CUX1: variants seen among roughly 807,000 people sequenced by gnomAD.
CUX1 encodes cut like homeobox 1, also known as protein CASP.
A neutral mutation model predicts 158.8 loss-of-function variants in CUX1; 31 were observed. The ratio of observed to expected loss-of-function variants is 0.20; its 90% confidence interval spans 0.15 to 0.26. CUX1 has a LOEUF of 0.26. CUX1 is among the 10% of genes least tolerant of loss of function. The pLI, the probability that CUX1 is intolerant of heterozygous loss-of-function variation, is 1.00. For missense variants in CUX1, 1,589 were observed against 2,014.6 expected, an observed-to-expected ratio of 0.79 and a Z score of 4.04; for synonymous variants, 879 against 862.1, an observed-to-expected ratio of 1.02 and a Z score of -0.34.
chr7:102,155,663 T>TAGC (rs35929146), intron 8 of CUX1, among the ~76,000 whole-genome samples: 3,166 of 152,328 alleles, frequency 0.021, 115 homozygotes, highest in African/African-American at 0.072. Flanking sequence ...GGCGTCAAGG[T>TAGC]AGCAGCTTTC....
chr7:102,168,620 G>T (rs542390172), intron 9 of CUX1, among the ~76,000 whole-genome samples: 311 of 146,006 alleles, frequency 2.1e-3, no homozygotes, highest in Non-Finnish European at 2.9e-3. Flanking sequence ...CTCCAGCCTA[G>T]GCGACAGAGC....
rs142500850 is a variant in CUX1, at chr7:102,251,437, T to A, written c.*2395T>A. On this transcript the variant is annotated 3_prime_UTR_variant, in exon 24 of 24. Transcript: ENST00000292535. The stretch of plus-strand genomic sequence containing the variant: ...CACTTAGTTCACGTTTTCACAAATT[T>A]CAAGAGTCACTACACTAAAGACAAT... The A allele has an allele frequency of 1.5e-4, 151 of 985,412 alleles. 1 individual carries two copies. The East Asian group carries it at 0.015, about 95-fold the overall frequency. The allele number at this position is 985,412 out of a possible 1,614,324, so 61.0% of individuals were successfully genotyped here. A position where few individuals can be genotyped will look rare whatever the true frequency, so the allele number is the denominator to read the frequency against.
chr7:101,833,429 C>A (rs1365073372), intron 1 of CUX1, among the ~76,000 whole-genome samples: 2 of 151,242 alleles, frequency 1.3e-5, no homozygotes, highest in Non-Finnish European at 3.0e-5. Flanking sequence ...ATGGTGCACA[C>A]CTGTGATCCT....
rs782222046 is a variant in CUX1, at chr7:102,189,866, G to A, written c.1071G>A (p.Glu357=). 2 of 1,614,278 alleles carry A rather than the reference G, an allele frequency of 1.2e-6. No individual in the cohort carries two copies. The highest frequency in any genetic ancestry group is 3.3e-5 in the Admixed American group (2 of 60,034). The change falls in exon 12 of 24, where the codon GAG becomes GAA. Residue 357 remains glutamate, a synonymous_variant. Coordinates refer to ENST00000292535, the MANE Select transcript of CUX1 (RefSeq NM_181552.4). The stretch of plus-strand genomic sequence containing the variant: ...CTGACTATGAAGAGGTGAAGAAAGA[G>A]CTGAAGTAAGTACGGAGAGCCCTGT... ...GQADYEEVKK[E]LNILKSMEFA...
At chr7:102,181,102 C>T (rs1324581465) in intron 11 of CUX1, among the ~76,000 whole-genome samples, 8 of 151,854 alleles carry the variant, frequency 5.3e-5, no homozygotes, top group African/African-American at 1.4e-4. Context: ...CCACCACTTC[C>T]GGATAATTTT....
intron 1 of CUX1, among the ~76,000 whole-genome samples, chr7:101,850,141 C>G (rs899913365): frequency 6.6e-6 from 1 of 151,978 alleles, no homozygotes; most frequent in Non-Finnish European, 1.5e-5. Flanking sequence ...CCAGGCTGGT[C>G]TCAAACTCCT....
At chr7:102,145,996 A>C (rs1334063559) in intron 8 of CUX1, among the ~76,000 whole-genome samples, 1 of 152,154 alleles carries the variant, frequency 6.6e-6, no homozygotes, top group Non-Finnish European at 1.5e-5. Context: ...AGTGGAGAAG[A>C]ATTCCAACCC....
intron 1 of CUX1, among the ~76,000 whole-genome samples, chr7:101,863,959 T>C (rs1797709454): frequency 6.6e-6 from 1 of 152,210 alleles, no homozygotes; most frequent in Non-Finnish European, 1.5e-5. Context: ...CAGTGGATGC[T>C]TGCGTTGCTT....
chr7:102,248,526 G>T lies in CUX1; in HGVS notation c.4002G>T (p.Glu1334Asp). 1 of 1,529,574 alleles carries T rather than the reference G, an allele frequency of 6.5e-7. No individual in the cohort carries two copies. 94.8% of individuals were successfully genotyped at this position (1,529,574 alleles called of 1,614,324 possible). A position where few individuals can be genotyped will look rare whatever the true frequency, so the allele number is the denominator to read the frequency against. ...ARSGRAAPSS[E>D]GDSCDGVEAT... ...GCGGCCGGGCGGCGCCCAGCTCGGA[G>T]GGCGACAGCTGCGACGGCGTGGAGG... Residue 1334 changes from glutamate (E) to aspartate (D), a missense_variant, in exon 24 of 24, where the codon GAG becomes GAT. Transcript: ENST00000292535. The surrounding 1 kb of genome is among the most constrained non-coding windows in gnomAD (Gnocchi z 5.8).
At chr7:102,070,829 C>A (rs1167159718) in intron 4 of CUX1, among the ~76,000 whole-genome samples, 2 of 152,210 alleles carry the variant, frequency 1.3e-5, no homozygotes, top group Admixed American at 1.3e-4. Flanking sequence ...CGCTCCCCTG[C>A]CAGGTCATCC....
At chr7:102,035,827 G>A (rs188314824) in intron 3 of CUX1, among the ~76,000 whole-genome samples, 12 of 152,208 alleles carry the variant, frequency 7.9e-5, no homozygotes, top group Admixed American at 2.0e-4. Flanking sequence ...CTTTTCTCCA[G>A]ATTGATCACA....
chr7:102,107,293 C>A (rs1291708072), intron 6 of CUX1, among the ~76,000 whole-genome samples: 1 of 152,070 alleles, frequency 6.6e-6, no homozygotes, highest in Non-Finnish European at 1.5e-5. Flanking sequence ...AATCCCAGCA[C>A]TTTGGGAGGG....
At chr7:102,194,053 T>C (rs1794549011) in intron 13 of CUX1, 163 bp downstream of exon 13, 1 of 681,806 alleles carries the variant, frequency 1.5e-6, no homozygotes, top group African/African-American at 1.8e-5. Context: ...CAAATTATCT[T>C]TTTTTTTTTG....
chr7:101,906,072 C>G (rs936210040), intron 1 of CUX1, among the ~76,000 whole-genome samples: 17 of 152,118 alleles, frequency 1.1e-4, no homozygotes, highest in Non-Finnish European at 2.2e-4. Flanking sequence ...GTGATCCCCC[C>G]ACCTCGGCCT....
At chr7:102,189,377 C>CT (rs782037789) in intron 11 of CUX1, among the ~76,000 whole-genome samples, 1,032 of 96,746 alleles carry the variant, frequency 0.011, 11 homozygotes, top group African/African-American at 0.017. Flanking sequence ...GGGGGGGATG[C>CT]TTTTTTTTTT....
intron 1 of CUX1, among the ~76,000 whole-genome samples, chr7:101,873,781 T>C (rs1157776219): frequency 6.6e-6 from 1 of 152,014 alleles, no homozygotes; most frequent in Non-Finnish European, 1.5e-5. Flanking sequence ...GACAGGGTTT[T>C]GCCATATTGG....
chr7:102,276,622 G>A (rs1349232021), intron 17 of CUX1, among the ~76,000 whole-genome samples: 1 of 152,118 alleles, frequency 6.6e-6, no homozygotes, highest in African/African-American at 2.4e-5. Flanking sequence ...TTTGAATAGT[G>A]TGAAAGAAAC....
intron 3 of CUX1, among the ~76,000 whole-genome samples, chr7:102,068,322 G>T (rs1442662306): frequency 6.6e-6 from 1 of 151,684 alleles, no homozygotes; most frequent in Non-Finnish European, 1.5e-5. Context: ...TCATTATTTT[G>T]CCCAGGCTGG....
chr7:101,851,341 C>T (rs1796241697), intron 1 of CUX1, among the ~76,000 whole-genome samples: 1 of 151,800 alleles, frequency 6.6e-6, no homozygotes, highest in Non-Finnish European at 1.5e-5. Flanking sequence ...CCCTTCTTGG[C>T]CCCCCTATTC....
Sources: allele counts gnomAD v4.1 joint callset (sites outside exome capture counted in the v4.1 genomes callset), GRCh38; gene constraint gnomAD v4.1.1; non-coding constraint Gnocchi (gnomAD v3.1); transcripts MANE v1.5; gene names NCBI Gene and HGNC (gene_info 2026-07-23, HGNC 2026-07-21).